Variants in PGBD4 observed in about 807,000 individuals in gnomAD.
PGBD4 encodes piggyBac transposable element derived 4, also known as piggyBac transposable element-derived protein 4.
PGBD4 carries 1 observed loss-of-function variant against 0.3 expected under a neutral mutation model. The ratio of observed to expected loss-of-function variants is 3.72; its 90% CI spans 1.32 to 17.64. PGBD4 has a LOEUF of 17.64. PGBD4 is among the 30% of genes most tolerant of loss of function. The pLI is 0.11. For synonymous variants in PGBD4, 253 were observed against 267.7 expected, an observed-to-expected ratio of 0.95 and a Z score of 0.54; for missense variants, 624 against 719.7, an observed-to-expected ratio of 0.87 and a Z score of 1.52.
chr15:34,104,581 T>C lies in PGBD4; in HGVS notation c.*292T>C. On this transcript the variant is annotated 3_prime_UTR_variant, in exon 1 of 1. Coordinates refer to ENST00000397766, the MANE Select transcript of PGBD4 (RefSeq NM_152595.5). ...TCACACCACTGCACTCCAGCCTGGG[T>C]GACATAGCGAGACTCCATCTCAAAA... 2 of 337,222 alleles carry C rather than the reference T, an allele frequency of 5.9e-6. No individual in the cohort carries two copies. Among genetic ancestry groups the C allele is most frequent in the Non-Finnish European group, 5.4e-6 (1 of 186,880 alleles). The allele number at this position is 337,222 out of a possible 1,614,324, so 20.9% of individuals were successfully genotyped here.
Position 34,104,784 on chromosome 15 carries a change from T to A in PGBD4, c.*495T>A, listed in dbSNP as rs1251906818. The A allele has an allele frequency of 6.6e-6, 1 of 151,728 alleles. No homozygotes were observed. The highest frequency in any genetic ancestry group is 2.4e-5 in the African/African-American group (1 of 41,258). The allele number at this position is 151,728 out of a possible 1,614,324, so 9.4% of individuals were successfully genotyped here. ...CCTCAGCCTCCCTAGTAGCTGGGAT[T>A]ACAGGCATGTGCCACCACACCCACC... is the stretch of plus-strand genomic sequence containing the variant. On this transcript the variant is annotated 3_prime_UTR_variant, in exon 1 of 1. Coordinates refer to ENST00000397766, the MANE Select transcript of PGBD4 (RefSeq NM_152595.5).
Position 34,103,721 on chromosome 15 carries a change from C to A in PGBD4, c.1190C>A (p.Ser397Ter). Residue 397 changes from serine (S) to a stop codon, truncating the protein, a stop_gained, in exon 1 of 1, where the codon TCA (serine) becomes TAA (stop). Transcript: ENST00000397766. LOFTEE classifies it low-confidence loss of function (END_TRUNC). The surrounding 1 kb of genome is among the most constrained non-coding windows in gnomAD (Gnocchi z 4.6). ...WCDGKEVTMLSTFHNDTVIEV... is the reference protein window; with the variant it reads ...WCDGKEVTML Reference sequence around the variant, plus strand: ...GACGGCAAGGAGGTGACAATGTTGTCAACATTCCACAATGATACTGTGATT... The same window carrying A: ...GACGGCAAGGAGGTGACAATGTTGTAAACATTCCACAATGATACTGTGATT... 1 of 1,613,986 alleles carries A rather than the reference C, an allele frequency of 6.2e-7. No individual in the cohort carries two copies. Among genetic ancestry groups the A allele is most frequent in the South Asian group, 1.1e-5 (1 of 91,060 alleles).
rs1345181210 is a variant in PGBD4 at position 34,105,232 on chromosome 15, G to A, written c.*943G>A. The A allele has an allele frequency of 1.2e-5, 2 of 167,146 alleles. No homozygotes were observed. The allele number at this position is 167,146 out of a possible 1,614,324, so 10.4% of individuals were successfully genotyped here. On this transcript the variant is annotated 3_prime_UTR_variant, in exon 1 of 1. Transcript: ENST00000397766. Reference sequence around the variant, plus strand: ...GTTTTACTGTGAACATAACAAGGTTGTATTGGGGAGGAGGGCAGGGGTTGA... The same window carrying A: ...GTTTTACTGTGAACATAACAAGGTTATATTGGGGAGGAGGGCAGGGGTTGA...
rs766244052 is a variant in PGBD4, at chr15:34,102,720, C to A, written c.189C>A (p.Ser63Arg). 1 of 1,614,100 alleles carries A rather than the reference C, an allele frequency of 6.2e-7. No individual in the cohort carries two copies. The highest frequency in any genetic ancestry group is 1.7e-5 in the Admixed American group (1 of 60,010). Reference protein sequence around the residue: ...PLSHLESDGKSSTSSDSGRSM... With the variant: ...PLSHLESDGKRSTSSDSGRSM... ...CCCATTTAGAATCTGATGGAAAGAG[C>A]TCTACATCAAGTGACTCAGGGCGCT... The change falls in exon 1 of 1, where the codon AGC becomes AGA. Residue 63 changes from serine (S) to arginine (R), a missense_variant. Ser to Arg is a moderately radical substitution (Grantham distance 110). Coordinates refer to ENST00000397766, the MANE Select transcript of PGBD4 (RefSeq NM_152595.5). This position sits in a 1 kb window ranked among gnomAD's most constrained non-coding sequence, Gnocchi z 4.7.
At position 34,104,311 on chromosome 15, in the gene PGBD4, T is replaced by A. The variant is rs1567505925; in HGVS notation, c.*22T>A. 2 of 1,588,790 alleles carry A rather than the reference T, an allele frequency of 1.3e-6. No homozygotes were observed. The highest frequency in any genetic ancestry group is 2.2e-5 in the East Asian group (1 of 44,692). On this transcript the variant is annotated 3_prime_UTR_variant, in exon 1 of 1. Coordinates refer to ENST00000397766, the MANE Select transcript of PGBD4 (RefSeq NM_152595.5). ...TTAAATACCGATCATCATACACATC[T>A]GTTCCATTAGGATTAGAGACAAGTT...
At position 34,102,624 on chromosome 15, in the gene PGBD4, T is replaced by C; in HGVS notation, c.93T>C (p.Asp31=). Residue 31 remains aspartate, a synonymous_variant, in exon 1 of 1, where the codon GAT becomes GAC. Transcript: ENST00000397766. This position sits in a 1 kb window ranked among gnomAD's most constrained non-coding sequence, Gnocchi z 4.7. ...LLAEDSFDES[D]FSEIDDSDNF... ...CTGAAGATTCATTTGATGAATCTGA[T>C]TTTTCGGAAATAGATGATTCTGATA... is the stretch of plus-strand genomic sequence containing the variant. 6.2e-7 allele frequency: 1 copy of C among 1,613,740 alleles called. No homozygotes were observed. Among genetic ancestry groups the C allele is most frequent in the African/African-American group, 1.3e-5 (1 of 75,014 alleles).
In PGBD4 at chr15:34,103,346, G is replaced by A. The variant is rs1901215301; in HGVS notation, c.815G>A (p.Arg272Gln). 6.2e-7 allele frequency: 1 copy of A among 1,614,076 alleles called. No homozygotes were observed. The highest frequency in any genetic ancestry group is 8.5e-7 in the Non-Finnish European group (1 of 1,180,056). The change falls in exon 1 of 1, where the codon CGA becomes CAA. Residue 272 changes from arginine (R) to glutamine (Q), a missense_variant. Coordinates refer to ENST00000397766, the MANE Select transcript of PGBD4 (RefSeq NM_152595.5). This position sits in a 1 kb window ranked among gnomAD's most constrained non-coding sequence, Gnocchi z 4.6. Reference sequence around the variant, plus strand: ...CAGTACCTCCCGACAAAACGAGTACGATTTGGTCTGAAGCTATATGTACTT... The same window carrying A: ...CAGTACCTCCCGACAAAACGAGTACAATTTGGTCTGAAGCTATATGTACTT... ...MKQYLPTKRVRFGLKLYVLCE... is the reference protein window; with the variant it reads ...MKQYLPTKRVQFGLKLYVLCE...
rs747908729 is a variant in PGBD4, at chr15:34,103,635, G to A, written c.1104G>A (p.Arg368=). The change falls in exon 1 of 1, where the codon AGG becomes AGA. Residue 368 remains arginine (R), a synonymous_variant. Coordinates refer to ENST00000397766, the MANE Select transcript of PGBD4 (RefSeq NM_152595.5). This position sits in a 1 kb window ranked among gnomAD's most constrained non-coding sequence, Gnocchi z 4.6. ...AGATTCCAAATGATCTGAAAAAAAGGATTGCAAAGGGGACGACTGTAGCCA... is the reference window on the plus strand; with the variant it reads ...AGATTCCAAATGATCTGAAAAAAAGAATTGCAAAGGGGACGACTGTAGCCA... ...RKQIPNDLKK[R]IAKGTTVARF... is the part of the protein sequence containing the mutation. The A allele has an allele frequency of 1.2e-6, 2 of 1,614,174 alleles. No individual in the cohort carries two copies. Among genetic ancestry groups the A allele is most frequent in the Non-Finnish European group, 1.7e-6 (2 of 1,180,036 alleles).
chr15:34,102,752 A>T lies in PGBD4; in HGVS notation c.221A>T (p.Lys74Ile). Residue 74 changes from lysine to isoleucine, a missense_variant, in exon 1 of 1, where the codon AAA (lysine) becomes ATA (isoleucine). Coordinates refer to ENST00000397766, the MANE Select transcript of PGBD4 (RefSeq NM_152595.5). This position sits in a 1 kb window ranked among gnomAD's most constrained non-coding sequence, Gnocchi z 4.7. Reference sequence around the variant, plus strand: ...TCAAGTGACTCAGGGCGCTCCATGAAATGGTCAGCTCGTGCTATGATTCCA... The same window carrying T: ...TCAAGTGACTCAGGGCGCTCCATGATATGGTCAGCTCGTGCTATGATTCCA... The part of the protein sequence containing the change: ...STSSDSGRSM[K>I]WSARAMIPRQ... 6.2e-7 allele frequency: 1 copy of T among 1,614,200 alleles called. No homozygotes were observed.
chr15:34,103,375 G>C lies in PGBD4; in HGVS notation c.844G>C (p.Glu282Gln), dbSNP rs1420189685. 1.2e-6 allele frequency: 2 copies of C among 1,614,218 alleles called. No individual in the cohort carries two copies. The highest frequency in any genetic ancestry group is 2.2e-5 in the South Asian group (2 of 91,088). The change falls in exon 1 of 1, where the codon GAA becomes CAA. Residue 282 changes from glutamate (E) to glutamine (Q), a missense_variant. Glu to Gln is a conservative substitution (Grantham distance 29). Coordinates refer to ENST00000397766, the MANE Select transcript of PGBD4 (RefSeq NM_152595.5). The surrounding 1 kb of genome is among the most constrained non-coding windows in gnomAD (Gnocchi z 4.6). Reference protein sequence around the residue: ...RFGLKLYVLCESQSGYVWNAL... With the variant: ...RFGLKLYVLCQSQSGYVWNAL... ...TGGTCTGAAGCTATATGTACTTTGT[G>C]AAAGTCAGTCTGGTTATGTGTGGAA...
chr15:34,103,465 C>G lies in PGBD4; in HGVS notation c.934C>G (p.Arg312Gly). The G allele has an allele frequency of 6.2e-7, 1 of 1,614,202 alleles. No individual in the cohort carries two copies. The highest frequency in any genetic ancestry group is 8.5e-7 in the Non-Finnish European group (1 of 1,180,030). ...KDSADGLKSS[R>G]IVLTLVNDLL... Reference sequence around the variant, plus strand: ...TTCAGCGGATGGCCTGAAATCATCACGCATTGTTCTTACCTTGGTCAATGA... The same window carrying G: ...TTCAGCGGATGGCCTGAAATCATCAGGCATTGTTCTTACCTTGGTCAATGA... Residue 312 changes from arginine to glycine, a missense_variant, in exon 1 of 1, where the codon CGC becomes GGC. Arg to Gly is a moderately radical substitution (Grantham distance 125). Coordinates refer to ENST00000397766, the MANE Select transcript of PGBD4 (RefSeq NM_152595.5). This position sits in a 1 kb window ranked among gnomAD's most constrained non-coding sequence, Gnocchi z 4.6.
Position 34,104,390 on chromosome 15 carries a change from A to T in PGBD4, c.*101A>T, listed in dbSNP as rs1901241016. Reference sequence around the variant, plus strand: ...GGCCGACCTGGGTGGATCACCTGAGATCAGGAATTCAAGACCAGCCTGGCC... The same window carrying T: ...GGCCGACCTGGGTGGATCACCTGAGTTCAGGAATTCAAGACCAGCCTGGCC... On this transcript the variant is annotated 3_prime_UTR_variant, in exon 1 of 1. Transcript: ENST00000397766. 7.6e-7 allele frequency: 1 copy of T among 1,314,102 alleles called. No individual in the cohort carries two copies. The highest frequency in any genetic ancestry group is 1.5e-5 in the South Asian group (1 of 67,248). The allele number at this position is 1,314,102 out of a possible 1,614,324, so 81.4% of individuals were successfully genotyped here.
rs1254946669 is a variant in PGBD4 at position 34,108,358 on chromosome 15, C to T, written c.*4069C>T. On this transcript the variant is annotated 3_prime_UTR_variant, in exon 1 of 1. Transcript: ENST00000397766. ...GAGAGCAGCTAAAGAGGAATAAAGC[C>T]ATGTGTTCAGCCAAGGATAGTTATC... 6.6e-6 allele frequency: 1 copy of T among 152,150 alleles called. No homozygotes were observed. Among genetic ancestry groups the T allele is most frequent in the Non-Finnish European group, 1.5e-5 (1 of 68,034 alleles). The allele number at this position is 152,150 out of a possible 1,614,324, so 9.4% of individuals were successfully genotyped here.
rs1299313406 is a variant in PGBD4, at chr15:34,102,511, T to G, written c.-21T>G. 1 of 1,488,464 alleles carries G rather than the reference T, an allele frequency of 6.7e-7. No homozygotes were observed. Among genetic ancestry groups the G allele is most frequent in the East Asian group, 2.5e-5 (1 of 40,630 alleles). 92.2% of individuals were successfully genotyped at this position (1,488,464 alleles called of 1,614,324 possible). A position where few individuals can be genotyped will look rare whatever the true frequency, so the allele number is the denominator to read the frequency against. On this transcript the variant is annotated 5_prime_UTR_variant, in exon 1 of 1. Transcript: ENST00000397766. This position sits in a 1 kb window ranked among gnomAD's most constrained non-coding sequence, Gnocchi z 4.7. ...TAGTGGGATTTCCATCTACAAAATATAGTAATTCTCGATCGCTGAAATGTC... is the reference window on the plus strand; with the variant it reads ...TAGTGGGATTTCCATCTACAAAATAGAGTAATTCTCGATCGCTGAAATGTC...
Position 34,103,758 on chromosome 15 carries a change from T to C in PGBD4, c.1227T>C (p.Asn409=). The change falls in exon 1 of 1, where the codon AAT becomes AAC. Residue 409 remains asparagine, a synonymous_variant. Transcript: ENST00000397766. This position sits in a 1 kb window ranked among gnomAD's most constrained non-coding sequence, Gnocchi z 4.6. ...FHNDTVIEVN[N]RNGKKTKRPR... is the part of the protein sequence containing the mutation. Reference sequence around the variant, plus strand: ...ATGATACTGTGATTGAAGTAAACAATAGAAATGGAAAGAAAACTAAAAGGC... The same window carrying C: ...ATGATACTGTGATTGAAGTAAACAACAGAAATGGAAAGAAAACTAAAAGGC... 6.2e-7 allele frequency: 1 copy of C among 1,614,040 alleles called. No homozygotes were observed. Among genetic ancestry groups the C allele is most frequent in the South Asian group, 1.1e-5 (1 of 91,070 alleles).
In PGBD4 at chr15:34,108,271, G is replaced by T. The variant is rs1470349740; in HGVS notation, c.*3982G>T. 1 of 152,226 alleles carries T rather than the reference G, an allele frequency of 6.6e-6. No homozygotes were observed. The highest frequency in any genetic ancestry group is 6.5e-5 in the Admixed American group (1 of 15,274). The allele number at this position is 152,226 out of a possible 1,614,324, so 9.4% of individuals were successfully genotyped here. ...AGCCACCACGCTGGGCCTCTTCTTG[G>T]TTTTTTAATCCATCTTCTGCCATAT... On this transcript the variant is annotated 3_prime_UTR_variant, in exon 1 of 1. Transcript: ENST00000397766.
Position 34,103,089 on chromosome 15 carries a change from T to C in PGBD4, c.558T>C (p.Pro186=), listed in dbSNP as rs765510999. The change falls in exon 1 of 1, where the codon CCT becomes CCC. Residue 186 remains proline (P), a synonymous_variant. Transcript: ENST00000397766. This position sits in a 1 kb window ranked among gnomAD's most constrained non-coding sequence, Gnocchi z 4.6. ...CAACAAGGCCTCTTTTGGATACACCTTATCTCAGGCAAATTATGACTGGTG... is the reference window on the plus strand; with the variant it reads ...CAACAAGGCCTCTTTTGGATACACCCTATCTCAGGCAAATTATGACTGGTG... ...FWSTRPLLDT[P]YLRQIMTGER... The C allele has an allele frequency of 1.2e-6, 2 of 1,613,956 alleles. No individual in the cohort carries two copies. Among genetic ancestry groups the C allele is most frequent in the Non-Finnish European group, 1.7e-6 (2 of 1,180,006 alleles).
chr15:34,104,483 A>C lies in PGBD4; in HGVS notation c.*194A>C. 1 of 638,622 alleles carries C rather than the reference A, an allele frequency of 1.6e-6. No homozygotes were observed. The allele number at this position is 638,622 out of a possible 1,614,324, so 39.6% of individuals were successfully genotyped here. A position where few individuals can be genotyped will look rare whatever the true frequency, so the allele number is the denominator to read the frequency against. ...CTGGATGTGGTGGCACATGCCTGTA[A>C]TCCAAGCTACTTGGGAGGCTGAGGC... On this transcript the variant is annotated 3_prime_UTR_variant, in exon 1 of 1. Coordinates refer to ENST00000397766, the MANE Select transcript of PGBD4 (RefSeq NM_152595.5).
At position 34,104,632 on chromosome 15, in the gene PGBD4, T is replaced by G. The variant is rs1597409009; in HGVS notation, c.*343T>G. ...AAAAGAAATAACTCCAAGAACAGTT[T>G]TGTTGTTTTTGTTTTGTTTTGTTTT... On this transcript the variant is annotated 3_prime_UTR_variant, in exon 1 of 1. Coordinates refer to ENST00000397766, the MANE Select transcript of PGBD4 (RefSeq NM_152595.5). 2 of 199,476 alleles carry G rather than the reference T, an allele frequency of 1.0e-5. No individual in the cohort carries two copies. The highest frequency in any genetic ancestry group is 2.7e-4 in the East Asian group (2 of 7,476). 12.4% of individuals were successfully genotyped at this position (199,476 alleles called of 1,614,324 possible).
Sources: gnomAD v4.1 joint callset for allele counts on GRCh38, gnomAD v4.1.1 for gene constraint, Gnocchi (gnomAD v3.1) non-coding constraint, MANE v1.5 for transcripts, NCBI Gene and HGNC (gene_info 2026-07-23, HGNC 2026-07-21) for gene names.